The following NSD1 variants were observed in gnomAD, a reference collection of about 807,000 sequenced individuals.
NSD1 encodes the protein nuclear receptor binding SET domain protein 1, also known as histone-lysine N-methyltransferase, H3 lysine-36 specific.
A neutral mutation model predicts 242.7 loss-of-function variants in NSD1; 26 were observed. The ratio of observed to expected loss-of-function variants is 0.11; its 90% CI spans 0.08 to 0.15. The LOEUF is 0.15. NSD1 is among the 10% of genes least tolerant of loss of function. NSD1 has a pLI of 1.00. For missense variants in NSD1, 2,495 were observed against 3,272.8 expected (o/e 0.76, Z 5.80); for synonymous variants, 1,106 against 1,178.1 (o/e 0.94, Z 1.25).
intron 17 of NSD1, among the ~76,000 whole-genome samples, chr5:177,274,334 C>A (rs1210722550): frequency 6.6e-6 from 1 of 152,034 alleles, no homozygotes; most frequent in Admixed American, 6.6e-5. Context: ...ATTTTTATGT[C>A]ATTTATATGA....
At chr5:177,133,681 G>A (rs1756026584), upstream of NSD1, 1 of 148,920 alleles carries the variant, frequency 6.7e-6, no homozygotes, top group Non-Finnish European at 1.5e-5. The surrounding 1 kb of genome is among the most constrained non-coding windows in gnomAD (Gnocchi z 6.2). Flanking sequence ...GGGTGCGCGC[G>A]CACTCGGGGC....
rs150591473 is a variant in NSD1 at position 177,189,449 on chromosome 5, A to G, written c.928-2435A>G. Among the ~76,000 whole-genome samples the G allele has an allele frequency of 8.5e-5, 13 of 152,356 alleles. No individual in the cohort carries two copies. The East Asian group carries it at 2.5e-3, about 29-fold the overall frequency. On this transcript the variant is annotated intron_variant, in intron 2 of 22. Transcript: ENST00000439151. ...TTTTTGTAGTAGTTCTCTGAGGAGA[A>G]GACAGAACCAACAACATGTGCTAGA... is the stretch of plus-strand genomic sequence containing the variant.
At chr5:177,189,588 T>C (rs1222727912) in intron 2 of NSD1, among the ~76,000 whole-genome samples, 5 of 152,202 alleles carry the variant, frequency 3.3e-5, no homozygotes, top group African/African-American at 9.6e-5. Context: ...CTCCCCAGGT[T>C]TGAATCCTTG....
chr5:177,195,299 A>G (rs1762021527), intron 3 of NSD1, among the ~76,000 whole-genome samples: 1 of 152,144 alleles, frequency 6.6e-6, no homozygotes. Flanking sequence ...CCTTGGCAAT[A>G]CAATGAGACA....
chr5:177,152,150 GCA>G (rs1757764745), intron 2 of NSD1, among the ~76,000 whole-genome samples: 1 of 152,010 alleles, frequency 6.6e-6, no homozygotes, highest in Non-Finnish European at 1.5e-5. Context: ...GTGAGCCACT[GCA>G]CCTGGCCATG....
chr5:177,222,955 A>G (rs576305325), intron 5 of NSD1, among the ~76,000 whole-genome samples: 9 of 152,132 alleles, frequency 5.9e-5, no homozygotes, highest in Non-Finnish European at 1.2e-4. Flanking sequence ...GATTTACCCT[A>G]TGTTTTCTTC....
At chr5:177,239,993 C>A in intron 8 of NSD1, 128 bp downstream of exon 8, 1 of 631,926 alleles carries the variant, frequency 1.6e-6, no homozygotes, top group Non-Finnish European at 2.8e-6. Context: ...TGTCAGCAGT[C>A]ATACATGATC....
At chr5:177,228,383 A>G (rs1187526974) in intron 5 of NSD1, among the ~76,000 whole-genome samples, 1 of 151,118 alleles carries the variant, frequency 6.6e-6, no homozygotes, top group African/African-American at 2.4e-5. Flanking sequence ...CGCTAAGCAG[A>G]TTTTTGTATT....
chr5:177,212,221 A>AG (rs1763401979), intron 5 of NSD1, 26 bp downstream of exon 5: 2 of 1,608,572 alleles, frequency 1.2e-6, no homozygotes, highest in East Asian at 4.5e-5. Context: ...TGTGATAAAA[A>AG]AAAAAAAATT....
chr5:177,199,846 C>T (rs1211112607), intron 3 of NSD1, among the ~76,000 whole-genome samples: 1 of 152,068 alleles, frequency 6.6e-6, no homozygotes, highest in Non-Finnish European at 1.5e-5. Flanking sequence ...CTGCCAACCT[C>T]GGCCTCCCAA....
chr5:177,281,711 G>A (rs1758902223), intron 18 of NSD1, among the ~76,000 whole-genome samples: 1 of 152,138 alleles, frequency 6.6e-6, no homozygotes, highest in African/African-American at 2.4e-5. Context: ...GGAGCGCACT[G>A]GTGCCATCTC....
intron 2 of NSD1, among the ~76,000 whole-genome samples, chr5:177,176,168 G>A (rs769425248): frequency 6.6e-5 from 10 of 152,116 alleles, no homozygotes; most frequent in Admixed American, 3.3e-4. Flanking sequence ...TAGCCACTGC[G>A]CCCGGCCCGA....
chr5:177,247,796 T>A (rs774389906), intron 10 of NSD1: 38 of 508,976 alleles, frequency 7.5e-5, no homozygotes, highest in Non-Finnish European at 6.1e-5. Context: ...TCACACATTA[T>A]GATGCAGAAT....
chr5:177,237,812 C>T (rs921789383), intron 6 of NSD1, among the ~76,000 whole-genome samples: 5 of 152,040 alleles, frequency 3.3e-5, no homozygotes, highest in African/African-American at 1.2e-4. Context: ...GAATTACAGG[C>T]GTGAGCCACC....
chr5:177,167,763 G>A (rs559974861), intron 2 of NSD1, among the ~76,000 whole-genome samples: 1 of 152,124 alleles, frequency 6.6e-6, no homozygotes, highest in Non-Finnish European at 1.5e-5. Flanking sequence ...TTATCTGGAC[G>A]TAAGCACATA....
At chr5:177,286,272 T>C (rs1041218384) in intron 20 of NSD1, among the ~76,000 whole-genome samples, 6 of 152,238 alleles carry the variant, frequency 3.9e-5, no homozygotes, top group Non-Finnish European at 7.3e-5. Context: ...TGACAATTTT[T>C]AGATTTTAAA....
chr5:177,266,624 AC>A (rs1757498356), intron 14 of NSD1: 1 of 565,916 alleles, frequency 1.8e-6, no homozygotes. Flanking sequence ...GGCCGCCAAG[AC>A]CCCCGCCTTT....
intron 2 of NSD1, among the ~76,000 whole-genome samples, chr5:177,175,167 G>A (rs766201337): frequency 6.6e-6 from 1 of 152,106 alleles, no homozygotes; most frequent in African/African-American, 2.4e-5. Flanking sequence ...CACTACACCC[G>A]GCCTGACTTT....
At chr5:177,198,617 G>T (rs1762279459) in intron 3 of NSD1, among the ~76,000 whole-genome samples, 1 of 152,018 alleles carries the variant, frequency 6.6e-6, no homozygotes, top group South Asian at 2.1e-4. Context: ...GGCCTCACCT[G>T]TAAACACCAA....
Sources: gnomAD v4.1 joint callset for allele counts (sites outside exome capture counted in the v4.1 genomes callset) on GRCh38, gnomAD v4.1.1 for gene constraint, Gnocchi (gnomAD v3.1) non-coding constraint, MANE v1.5 for transcripts, NCBI Gene and HGNC (gene_info 2026-07-23, HGNC 2026-07-21) for gene names.